Variants in ZFYVE1 observed in about 807,000 individuals in gnomAD.
The protein encoded by ZFYVE1 is zinc finger FYVE domain-containing protein 1.
A neutral mutation model predicts 74.4 loss-of-function variants in ZFYVE1; 30 were observed. That is an observed-to-expected ratio of 0.40 (90% CI 0.30 to 0.55). The LOEUF is 0.55. Ranked by LOEUF, ZFYVE1 falls within the 20% of genes least tolerant of loss-of-function variation. The probability of loss-of-function intolerance (pLI) is 0.42; values close to 1 mark genes in which losing one functional copy is unlikely to be tolerated. For missense variants in ZFYVE1, 703 were observed against 1,011.6 expected (o/e 0.69, Z 4.14); for synonymous variants, 335 against 385.1 (o/e 0.87, Z 1.52).
chr14:73,023,849 C>A (rs942507655), intron 2 of ZFYVE1, among the ~76,000 whole-genome samples, 177 bp downstream of exon 2: 1 of 152,088 alleles, frequency 6.6e-6, no homozygotes, highest in African/African-American at 2.4e-5. Context: ...TAAAGTAATT[C>A]GGCCAGAGGT....
chr14:73,008,808 T>C (rs1162275535), intron 2 of ZFYVE1, among the ~76,000 whole-genome samples: 7 of 152,204 alleles, frequency 4.6e-5, no homozygotes, highest in Admixed American at 2.0e-4. Flanking sequence ...TCTTTCATTC[T>C]GGAATGATTC....
rs148360891 is a variant in ZFYVE1 at position 73,019,333 on chromosome 14, C to A, written c.483+4693G>T. 2.1e-4 allele frequency among the ~76,000 whole-genome samples: 32 copies of A among 152,100 alleles called. No homozygotes were observed. In the South Asian group the frequency reaches 5.6e-3, roughly 27 times the overall value. ...CAGTGGTGCATACCTGTAGTCTCAG[C>A]TACTTGGGAGGCTGTAAGTGGAAGG... On this transcript the variant is annotated intron_variant, in intron 2 of 11. Coordinates refer to ENST00000556143, the MANE Select transcript of ZFYVE1 (RefSeq NM_021260.4).
chr14:73,012,432 A>T (rs1326323679), intron 2 of ZFYVE1, among the ~76,000 whole-genome samples: 1 of 152,072 alleles, frequency 6.6e-6, no homozygotes, highest in African/African-American at 2.4e-5. Context: ...GACCAGCCTG[A>T]CTAATGTCAT....
In ZFYVE1 at chr14:73,008,181, C is replaced by T. The variant is rs111268554; in HGVS notation, c.484-9866G>A. On this transcript the variant is annotated intron_variant, in intron 2 of 11. Transcript: ENST00000556143. ...TTTTTTTATTTTTTTGTGTGTGAGA[C>T]GGAGTTTCACTCTTGTTGCCCAGGC... 3.7e-3 allele frequency among the ~76,000 whole-genome samples: 549 copies of T among 148,418 alleles called. 3 individuals carry two copies. Among genetic ancestry groups the T allele is most frequent in the African/African-American group, 0.013 (501 of 37,896 alleles).
intron 4 of ZFYVE1, among the ~76,000 whole-genome samples, chr14:72,982,679 C>CTA (rs1893365974): frequency 6.6e-6 from 1 of 152,208 alleles, no homozygotes; most frequent in Admixed American, 6.5e-5. Flanking sequence ...TTCTAACTTT[C>CTA]AGTCCAGCCC....
chr14:73,010,641 G>A (rs1433484912), intron 2 of ZFYVE1, among the ~76,000 whole-genome samples: 3 of 150,522 alleles, frequency 2.0e-5, no homozygotes, highest in African/African-American at 4.9e-5. Context: ...ATGGTGGCAC[G>A]CGCTTGTGAT....
intron 4 of ZFYVE1, among the ~76,000 whole-genome samples, chr14:72,990,331 T>C (rs961137750): frequency 6.6e-6 from 1 of 151,540 alleles, no homozygotes; most frequent in Non-Finnish European, 1.5e-5. Flanking sequence ...GAATAGAAAA[T>C]ATCAGATCTC....
At chr14:72,998,858 A>C (rs1893809467) in intron 2 of ZFYVE1, among the ~76,000 whole-genome samples, 1 of 152,032 alleles carries the variant, frequency 6.6e-6, no homozygotes, top group Non-Finnish European at 1.5e-5. Context: ...CTCAAAAAAA[A>C]AAAAGAAAGG....
At position 72,975,768 on chromosome 14, in the gene ZFYVE1, A is replaced by G; in HGVS notation, c.1636-47T>C. ...CCATCATGCTCTGAGAAGGGAGTGA[A>G]AGGAAGGAGGAAGAGGGATGTTTGG... is the stretch of plus-strand genomic sequence containing the variant. On this transcript the variant is annotated intron_variant, in intron 8 of 11. Transcript: ENST00000556143. This position sits in a 1 kb window ranked among gnomAD's most constrained non-coding sequence, Gnocchi z 4.1. 6.3e-7 allele frequency: 1 copy of G among 1,598,902 alleles called. No homozygotes were observed. The highest frequency in any genetic ancestry group is 1.1e-5 in the South Asian group (1 of 88,160).
At chr14:73,015,429 GAAGA>G (rs1389349595) in intron 2 of ZFYVE1, among the ~76,000 whole-genome samples, 4 of 146,926 alleles carry the variant, frequency 2.7e-5, no homozygotes, top group South Asian at 4.5e-4. Context: ...GGGAAGGAAG[GAAGA>G]AAGAAAGAAA....
intron 2 of ZFYVE1, among the ~76,000 whole-genome samples, chr14:73,013,525 T>C (rs1044995827): frequency 2.6e-5 from 4 of 151,872 alleles, no homozygotes; most frequent in Admixed American, 6.6e-5. Flanking sequence ...GGTGAATCGC[T>C]TGAACCCAGG....
rs1893666465 is a variant in ZFYVE1, at chr14:72,993,323, C to T, written c.1023G>A (p.Gln341=). 1 of 1,613,282 alleles carries T rather than the reference C, an allele frequency of 6.2e-7. No homozygotes were observed. Among genetic ancestry groups the T allele is most frequent in the African/African-American group, 1.3e-5 (1 of 74,734 alleles). Residue 341 remains glutamine, a synonymous_variant, in exon 4 of 12, where the codon CAG becomes CAA. Coordinates refer to ENST00000556143, the MANE Select transcript of ZFYVE1 (RefSeq NM_021260.4). ...HPSEVPEKLI[Q]DRFRKLGRFP... ...AACGGCCCAGCTTCCGGAACCGGTC[C>T]TGGATGAGCTTCTCTGGCACCTCTG...
chr14:72,988,429 C>T (rs1893533414), intron 4 of ZFYVE1, among the ~76,000 whole-genome samples: 1 of 151,922 alleles, frequency 6.6e-6, no homozygotes, highest in African/African-American at 2.4e-5. Flanking sequence ...CCTGCTTCAG[C>T]CTCCCAAAGT....
intron 4 of ZFYVE1, among the ~76,000 whole-genome samples, chr14:72,985,202 C>T (rs1893443417): frequency 6.6e-6 from 1 of 152,248 alleles, no homozygotes; most frequent in Non-Finnish European, 1.5e-5. Context: ...GTGACCCAGG[C>T]TGGAGTGCAG....
intron 2 of ZFYVE1, among the ~76,000 whole-genome samples, chr14:73,011,187 A>G (rs1326647252): frequency 6.6e-6 from 1 of 151,838 alleles, no homozygotes; most frequent in African/African-American, 2.4e-5. Context: ...AAAAAAAAGA[A>G]AGAAAGAAAC....
Position 73,027,086 on chromosome 14 carries a change from T to C in ZFYVE1, c.-595A>G, listed in dbSNP as rs368381012. The C allele has an allele frequency of 5.8e-4, 230 of 399,058 alleles. 1 individual carries two copies. Among genetic ancestry groups the C allele is most frequent in the East Asian group, 4.3e-3 (121 of 28,092 alleles). 24.7% of individuals were successfully genotyped at this position (399,058 alleles called of 1,614,324 possible). A position where few individuals can be genotyped will look rare whatever the true frequency, so the allele number is the denominator to read the frequency against. On this transcript the variant is annotated 5_prime_UTR_variant, in exon 1 of 12. Transcript: ENST00000556143. ...GGGCTTCCTCCTCTCCTGTTGTCAG[T>C]TGGGATCAGCTGATCGGAGTGAACT...
intron 4 of ZFYVE1, among the ~76,000 whole-genome samples, chr14:72,991,911 C>CTTT (rs538080797): frequency 2.8e-5 from 4 of 145,172 alleles, no homozygotes; most frequent in South Asian, 2.2e-4. Flanking sequence ...AAATCTCCCT[C>CTTT]TTTTTTTTTT....
chr14:72,992,090 G>A (rs941838522), intron 4 of ZFYVE1, among the ~76,000 whole-genome samples: 3 of 151,934 alleles, frequency 2.0e-5, no homozygotes, highest in Non-Finnish European at 2.9e-5. Flanking sequence ...TGTATTTTTA[G>A]TAGAAAGGGG....
chr14:72,999,344 T>C (rs1893820608), intron 2 of ZFYVE1, among the ~76,000 whole-genome samples: 1 of 151,976 alleles, frequency 6.6e-6, no homozygotes, highest in African/African-American at 2.4e-5. Context: ...GGAGAATCAC[T>C]TGAACCCGGG....
Sources: gnomAD v4.1 joint callset for allele counts (sites outside exome capture counted in the v4.1 genomes callset) on GRCh38, gnomAD v4.1.1 for gene constraint, Gnocchi (gnomAD v3.1) non-coding constraint, MANE v1.5 for transcripts, NCBI Gene and HGNC (gene_info 2026-07-23, HGNC 2026-07-21) for gene names.